VPS26C: variants seen among roughly 807,000 people sequenced by gnomAD.
The protein encoded by VPS26C is vacuolar protein sorting-associated protein 26C.
VPS26C carries 19 observed loss-of-function variants against 30.6 expected under a neutral mutation model. The ratio of observed to expected loss-of-function variants is 0.62; its 90% CI spans 0.43 to 0.91. VPS26C has a LOEUF of 0.91. Ranked by LOEUF, VPS26C falls within the 40% of genes least tolerant of loss-of-function variation. The probability of loss-of-function intolerance (pLI) is 0.00; values close to 1 mark genes in which losing one functional copy is unlikely to be tolerated. For missense variants in VPS26C, 318 were observed against 385.1 expected, an observed-to-expected ratio of 0.83 and a Z score of 1.46; for synonymous variants, 132 against 151.5, an observed-to-expected ratio of 0.87 and a Z score of 0.95.
At chr21:37,235,879 A>AT (rs1248919097) in intron 3 of VPS26C, among the ~76,000 whole-genome samples, 98 of 111,292 alleles carry the variant, frequency 8.8e-4, no homozygotes, top group Non-Finnish European at 1.3e-3. Flanking sequence ...ATATATATAT[A>AT]TTTTTTTTTT....
upstream of VPS26C, chr21:37,267,616 T>A (rs2148316988): frequency 1.6e-5 from 6 of 371,138 alleles, no homozygotes; most frequent in South Asian, 2.1e-4. Context: ...GCTCCTTTGC[T>A]GTCCGGGTTA....
chr21:37,260,255 A>T (rs940990422), intron 1 of VPS26C, among the ~76,000 whole-genome samples: 5 of 152,230 alleles, frequency 3.3e-5, no homozygotes, highest in African/African-American at 1.2e-4. Context: ...ATCCTAGTCT[A>T]CCTAGTTATA....
intron 7 of VPS26C, 169 bp downstream of exon 7, chr21:37,227,485 T>G: frequency 1.4e-6 from 1 of 725,868 alleles, no homozygotes; most frequent in Non-Finnish European, 2.2e-6. Flanking sequence ...AACAAGGTTT[T>G]GTTGAGCAGC....
rs144237754 is a variant in VPS26C at position 37,237,067 on chromosome 21, C to G, written c.351+1393G>C. On this transcript the variant is annotated intron_variant, in intron 3 of 7. Coordinates refer to ENST00000309117, the MANE Select transcript of VPS26C (RefSeq NM_006052.2). ...AAGTGCAGGGATGACAAGCGTGAGC[C>G]ACTGTGCCTGGCCAGCACACACGTT... Among the ~76,000 whole-genome samples the G allele has an allele frequency of 1.6e-3, 242 of 152,306 alleles. 2 individuals carry two copies. Among genetic ancestry groups the G allele is most frequent in the African/African-American group, 5.4e-3 (224 of 41,574 alleles).
intron 3 of VPS26C, among the ~76,000 whole-genome samples, chr21:37,236,416 AAATTT>A (rs2086025254): frequency 6.6e-6 from 1 of 152,248 alleles, no homozygotes; most frequent in Admixed American, 6.5e-5. Context: ...AGTTTCTCTT[AAATTT>A]ATTTTCTCAA....
At position 37,235,873 on chromosome 21, in the gene VPS26C, ATATATATT is replaced by A. The variant is rs992999135; in HGVS notation, c.352-2439_352-2432del. On this transcript the variant is annotated intron_variant, in intron 3 of 7. Transcript: ENST00000309117. Reference sequence around the variant, plus strand: ...TGTGTATATATATATATATATATATATATATATTTTTTTTTTTAATTAAAAAATTTTTT... The same window carrying A: ...TGTGTATATATATATATATATATATATTTTTTTTTAATTAAAAAATTTTTT... Among the ~76,000 whole-genome samples, 32 of 15,072 alleles carry A rather than the reference ATATATATT, an allele frequency of 2.1e-3. 1 individual carries two copies. Among genetic ancestry groups the A allele is most frequent in the African/African-American group, 8.1e-3 (27 of 3,330 alleles). 9.9% of individuals were successfully genotyped at this position (15,072 alleles called of 152,430 possible).
At chr21:37,266,343 T>G (rs1179993068) in intron 1 of VPS26C, among the ~76,000 whole-genome samples, 1 of 152,216 alleles carries the variant, frequency 6.6e-6, no homozygotes, top group Admixed American at 6.5e-5. Flanking sequence ...TGTCTGAAAT[T>G]CTGTCCCTTT....
At chr21:37,241,751 G>A in intron 1 of VPS26C, among the ~76,000 whole-genome samples, 1 of 152,220 alleles carries the variant, frequency 6.6e-6, no homozygotes, top group African/African-American at 2.4e-5. Flanking sequence ...GAGCCTGGGT[G>A]GTTGAGGCTG....
intron 1 of VPS26C, among the ~76,000 whole-genome samples, chr21:37,248,150 ATAGAG>A (rs1219275681): frequency 6.6e-6 from 1 of 152,164 alleles, no homozygotes; most frequent in Non-Finnish European, 1.5e-5. Flanking sequence ...ATCATGACCA[ATAGAG>A]TAGACAGAAA....
At chr21:37,249,138 G>A (rs375824004) in intron 1 of VPS26C, among the ~76,000 whole-genome samples, 1 of 152,094 alleles carries the variant, frequency 6.6e-6, no homozygotes, top group Admixed American at 6.5e-5. Context: ...GAGAAAACAA[G>A]ATATCATCCA....
At chr21:37,244,434 A>G (rs1034540104) in intron 1 of VPS26C, among the ~76,000 whole-genome samples, 4 of 152,082 alleles carry the variant, frequency 2.6e-5, no homozygotes, top group Non-Finnish European at 4.4e-5. Flanking sequence ...GGTTTCACCA[A>G]TGTTGGTCAG....
At chr21:37,228,099 G>T in intron 6 of VPS26C, 124 bp downstream of exon 6, 1 of 1,385,314 alleles carries the variant, frequency 7.2e-7, no homozygotes, top group Non-Finnish European at 9.8e-7. Context: ...TCAGCCTCCT[G>T]AGTAGCTGGG....
At chr21:37,250,335 C>T (rs968182955) in intron 1 of VPS26C, among the ~76,000 whole-genome samples, 1 of 151,012 alleles carries the variant, frequency 6.6e-6, no homozygotes, top group African/African-American at 2.4e-5. Context: ...TTGGACCATA[C>T]TGAAACTTTT....
chr21:37,258,445 C>A (rs867545627), intron 1 of VPS26C, among the ~76,000 whole-genome samples: 21 of 152,228 alleles, frequency 1.4e-4, no homozygotes, highest in African/African-American at 4.6e-4. Context: ...CCCAGCGCCC[C>A]GAACCTGATG....
chr21:37,238,664 A>G (rs771578057), intron 2 of VPS26C, 55 bp from the exon 3 acceptor site: 15 of 1,592,532 alleles, frequency 9.4e-6, no homozygotes, highest in Non-Finnish European at 1.3e-5. Flanking sequence ...TGTCCTTTCC[A>G]ATTACTAATA....
At chr21:37,247,739 A>G (rs1333473703) in intron 1 of VPS26C, among the ~76,000 whole-genome samples, 7 of 152,212 alleles carry the variant, frequency 4.6e-5, no homozygotes, top group Non-Finnish European at 8.8e-5. Flanking sequence ...TTTGGAGAGG[A>G]TAAAAAAGAA....
rs2086258292 is a variant in VPS26C at position 37,257,732 on chromosome 21, G to GCTC, written c.57+9505_57+9506insGAG. On this transcript the variant is annotated intron_variant, in intron 1 of 7. Transcript: ENST00000309117. This position sits in a 1 kb window ranked among gnomAD's most constrained non-coding sequence, Gnocchi z 4.2. ...CACGGGCGGAAGAAAGGACTGGAGG[G>GCTC]GAGGGAAAGGGGTGGGGAGCGAGGG... 1.3e-5 allele frequency among the ~76,000 whole-genome samples: 2 copies of GCTC among 152,192 alleles called. No individual in the cohort carries two copies. Among genetic ancestry groups the GCTC allele is most frequent in the Admixed American group, 6.5e-5 (1 of 15,280 alleles).
intron 1 of VPS26C, 25 bp downstream of exon 1, chr21:37,267,213 A>AAGCC: frequency 2.4e-6 from 1 of 415,802 alleles, no homozygotes; most frequent in Non-Finnish European, 4.6e-6. Flanking sequence ...CCCCACCTCC[A>AAGCC]TCCCCACCCC....
chr21:37,259,716 C>T (rs143754820), intron 1 of VPS26C, among the ~76,000 whole-genome samples: 15 of 152,246 alleles, frequency 9.9e-5, no homozygotes, highest in East Asian at 1.9e-4. Flanking sequence ...CCAAAATCGC[C>T]GTCACCTCCG....
Sources: gnomAD v4.1 joint callset for allele counts (sites outside exome capture counted in the v4.1 genomes callset) on GRCh38, gnomAD v4.1.1 for gene constraint, Gnocchi (gnomAD v3.1) non-coding constraint, MANE v1.5 for transcripts, NCBI Gene and HGNC (gene_info 2026-07-23, HGNC 2026-07-21) for gene names.